Variants in DLG2 observed in about 807,000 individuals in gnomAD.
The protein encoded by DLG2 is discs large MAGUK scaffold protein 2.
In DLG2, 45 loss-of-function variants were observed where a neutral mutation model predicts 132.5. The observed-to-expected ratio is 0.34, with a 90% CI of 0.27 to 0.44. The LOEUF is 0.44. Ranked by LOEUF, DLG2 falls within the 20% of genes least tolerant of loss-of-function variation. The pLI is 1.00. For synonymous variants in DLG2, 424 were observed against 419.6 expected (o/e 1.01, Z -0.13); for missense variants, 1,045 against 1,196.9 (o/e 0.87, Z 1.87).
chr11:84,049,193 T>C (rs1324090023), intron 11 of DLG2, among the ~76,000 whole-genome samples: 1 of 151,788 alleles, frequency 6.6e-6, no homozygotes, highest in Non-Finnish European at 1.5e-5. Flanking sequence ...TGGTAAAATT[T>C]ATTTAAGTTA....
intron 5 of DLG2, among the ~76,000 whole-genome samples, chr11:85,153,763 G>A (rs2077415324): frequency 6.6e-6 from 1 of 151,878 alleles, no homozygotes; most frequent in South Asian, 2.1e-4. Flanking sequence ...TGCAAAACTT[G>A]CAATTTATTT....
intron 6 of DLG2, among the ~76,000 whole-genome samples, chr11:84,578,531 T>G (rs973227055): frequency 6.6e-6 from 1 of 152,152 alleles, no homozygotes; most frequent in Non-Finnish European, 1.5e-5. Context: ...CCACTGGATT[T>G]TGGATTTGCA....
intron 14 of DLG2, among the ~76,000 whole-genome samples, chr11:83,934,915 T>A (rs945212637): frequency 2.0e-5 from 3 of 152,214 alleles, no homozygotes; most frequent in African/African-American, 7.2e-5. Flanking sequence ...TATTCTCTTT[T>A]CCCGAGCCAG....
intron 7 of DLG2, among the ~76,000 whole-genome samples, chr11:84,521,811 A>G (rs1483705521): frequency 1.3e-5 from 2 of 152,220 alleles, no homozygotes; most frequent in African/African-American, 4.8e-5. Context: ...AAAGCAGGTA[A>G]TATGTCTTAT....
intron 3 of DLG2, among the ~76,000 whole-genome samples, chr11:85,512,886 C>A (rs2094105695): frequency 6.6e-6 from 1 of 152,006 alleles, no homozygotes; most frequent in Admixed American, 6.6e-5. Context: ...AAAACTCCTG[C>A]ACTCATTTTA....
chr11:84,165,717 G>T (rs1383951643), intron 8 of DLG2, among the ~76,000 whole-genome samples: 1 of 152,066 alleles, frequency 6.6e-6, no homozygotes, highest in South Asian at 2.1e-4. Context: ...GGCCAATATG[G>T]TGAAACCCCG....
intron 6 of DLG2, among the ~76,000 whole-genome samples, chr11:85,044,597 T>C (rs1359018515): frequency 1.3e-5 from 2 of 151,958 alleles, no homozygotes; most frequent in South Asian, 2.1e-4. Context: ...TGTTAATGAG[T>C]AGTTACTTTG....
intron 19 of DLG2, among the ~76,000 whole-genome samples, chr11:83,602,155 GTCTT>G (rs1247765564): frequency 6.6e-6 from 1 of 152,200 alleles, no homozygotes. Flanking sequence ...AAATGAGCGA[GTCTT>G]TCTGCTTTCT....
chr11:84,403,006 C>CCA, intron 7 of DLG2, among the ~76,000 whole-genome samples: 1 of 151,840 alleles, frequency 6.6e-6, no homozygotes, highest in African/African-American at 2.4e-5. Flanking sequence ...CTCTCTCTCT[C>CCA]TCTCTCTGGC....
At chr11:85,055,779 G>T (rs368621864) in intron 6 of DLG2, among the ~76,000 whole-genome samples, 1 of 152,084 alleles carries the variant, frequency 6.6e-6, no homozygotes, top group Non-Finnish European at 1.5e-5. Flanking sequence ...ATGCTGGAGA[G>T]TAAAAAAATG....
intron 18 of DLG2, among the ~76,000 whole-genome samples, chr11:83,763,183 CT>C (rs1288692455): frequency 2.6e-5 from 4 of 152,030 alleles, no homozygotes; most frequent in Non-Finnish European, 4.4e-5. Flanking sequence ...ATTTTTTTAA[CT>C]TTTATTTTAG....
intron 18 of DLG2, among the ~76,000 whole-genome samples, chr11:83,759,857 C>T: frequency 6.6e-6 from 1 of 152,330 alleles, no homozygotes; most frequent in East Asian, 1.9e-4. Context: ...ATAATTACAA[C>T]ATTGATAATA....
At chr11:85,009,183 A>G (rs1321577916) in intron 6 of DLG2, among the ~76,000 whole-genome samples, 1 of 152,116 alleles carries the variant, frequency 6.6e-6, no homozygotes, top group Non-Finnish European at 1.5e-5. Flanking sequence ...CTTTTGCCTT[A>G]AGAATGCTTG....
intron 7 of DLG2, chr11:84,316,872 A>G (rs2098363055): frequency 6.2e-7 from 1 of 1,612,752 alleles, no homozygotes; most frequent in Admixed American, 1.7e-5. Flanking sequence ...TGCTCCCCAC[A>G]AGTCCCTTTG....
intron 20 of DLG2, among the ~76,000 whole-genome samples, chr11:83,537,779 C>T (rs1248700322): frequency 7.9e-6 from 1 of 127,180 alleles, no homozygotes; most frequent in African/African-American, 3.1e-5. Flanking sequence ...TGTACTCCGG[C>T]CTAGGCAACG....
At chr11:85,082,669 A>T (rs1344648004) in intron 6 of DLG2, among the ~76,000 whole-genome samples, 1 of 152,032 alleles carries the variant, frequency 6.6e-6, no homozygotes, top group Non-Finnish European at 1.5e-5. Context: ...AAGTAAATTA[A>T]AAAAACAATT....
intron 3 of DLG2, among the ~76,000 whole-genome samples, chr11:85,450,230 C>T (rs1396875128): frequency 1.3e-5 from 2 of 152,146 alleles, no homozygotes; most frequent in African/African-American, 4.8e-5. Context: ...CTATGAGAGC[C>T]CAGGCTAACA....
chr11:85,163,206 TACACAC>T (rs776985320), intron 4 of DLG2, among the ~76,000 whole-genome samples: 2 of 148,276 alleles, frequency 1.3e-5, no homozygotes, highest in East Asian at 4.0e-4. Context: ...TTATATATAT[TACACAC>T]ACACACACAC....
chr11:85,260,231 T>C (rs1517308), intron 4 of DLG2, among the ~76,000 whole-genome samples: 119,793 of 152,158 alleles, frequency 0.79, 48,005 homozygotes, highest in Non-Finnish European at 0.88. Context: ...TGGCACAGTA[T>C]AAGTACTCAG....
Sources: allele counts gnomAD v4.1 joint callset (sites outside exome capture counted in the v4.1 genomes callset), GRCh38; gene constraint gnomAD v4.1.1; transcripts MANE v1.5; gene names NCBI Gene and HGNC (gene_info 2026-07-23, HGNC 2026-07-21).